MDGA2: variants seen among roughly 807,000 people sequenced by gnomAD.
MDGA2 encodes MAM domain containing glycosylphosphatidylinositol anchor 2.
Under a neutral mutation model 117.8 loss-of-function variants are expected in MDGA2, and 40 were observed. The observed-to-expected ratio is 0.34, with a 90% CI of 0.26 to 0.44. MDGA2 has a LOEUF of 0.44. Among genes scored for constraint, MDGA2 ranks in the 20% least tolerant of loss-of-function variants. The pLI, the probability that MDGA2 is intolerant of heterozygous loss-of-function variation, is 1.00. For missense variants in MDGA2, 1,123 were observed against 1,250.6 expected (o/e 0.90, Z 1.54); for synonymous variants, 452 against 439.0 (o/e 1.03, Z -0.37).
chr14:47,264,170 C>A (rs1411589911), intron 2 of MDGA2, among the ~76,000 whole-genome samples: 1 of 152,144 alleles, frequency 6.6e-6, no homozygotes, highest in Non-Finnish European at 1.5e-5. Context: ...ATTTGTACTT[C>A]TGAGACCCAT....
At chr14:47,076,763 T>C (rs1169353697) in intron 6 of MDGA2, among the ~76,000 whole-genome samples, 1 of 152,114 alleles carries the variant, frequency 6.6e-6, no homozygotes, top group African/African-American at 2.4e-5. Flanking sequence ...AAAGCTATTA[T>C]TCAGAAGATT....
intron 1 of MDGA2, among the ~76,000 whole-genome samples, chr14:47,466,638 C>T (rs1347082184): frequency 2.6e-5 from 4 of 152,062 alleles, no homozygotes; most frequent in South Asian, 2.1e-4. Flanking sequence ...GTAATGAATG[C>T]GTTCTCATTC....
chr14:46,950,217 T>G (rs1027849015), intron 9 of MDGA2, among the ~76,000 whole-genome samples: 16 of 151,942 alleles, frequency 1.1e-4, no homozygotes, highest in South Asian at 4.1e-4. Flanking sequence ...TATTCCTAAT[T>G]TTTCAGATTT....
intron 1 of MDGA2, among the ~76,000 whole-genome samples, chr14:47,370,633 G>A (rs1460803255): frequency 6.7e-6 from 1 of 149,906 alleles, no homozygotes; most frequent in African/African-American, 2.4e-5. Context: ...AAATAGTTTT[G>A]TTTATATTGT....
chr14:47,437,184 C>CAT (rs1205146237), intron 1 of MDGA2, among the ~76,000 whole-genome samples: 1 of 151,972 alleles, frequency 6.6e-6, no homozygotes, highest in Non-Finnish European at 1.5e-5. Flanking sequence ...GTTAAGTAAG[C>CAT]ATATAACTGT....
chr14:47,348,096 G>A (rs986405785), intron 1 of MDGA2, among the ~76,000 whole-genome samples: 3 of 151,630 alleles, frequency 2.0e-5, no homozygotes, highest in African/African-American at 7.3e-5. Flanking sequence ...TGCAGTAGCT[G>A]GAGGAATACT....
intron 1 of MDGA2, among the ~76,000 whole-genome samples, chr14:47,506,050 A>C (rs1158317591): frequency 6.6e-6 from 1 of 152,150 alleles, no homozygotes; most frequent in East Asian, 1.9e-4. Context: ...TAAAATACAG[A>C]GTTACTAGTG....
intron 9 of MDGA2, among the ~76,000 whole-genome samples, chr14:46,949,442 C>T (rs531418732): frequency 2.0e-5 from 3 of 151,792 alleles, no homozygotes; most frequent in East Asian, 3.9e-4. Context: ...TCTAGTGTAC[C>T]CATCATCCAA....
intron 3 of MDGA2, among the ~76,000 whole-genome samples, chr14:47,161,038 A>G (rs1883611751): frequency 6.6e-6 from 1 of 151,698 alleles, no homozygotes; most frequent in Admixed American, 6.6e-5. Flanking sequence ...TTTCTTCCCT[A>G]TTTTATTAGA....
Position 47,240,240 on chromosome 14 carries a change from T to C in MDGA2, c.421-22045A>G, listed in dbSNP as rs187597984. On this transcript the variant is annotated intron_variant, in intron 2 of 16. Coordinates refer to ENST00000399232, the MANE Select transcript of MDGA2 (RefSeq NM_001113498.3). ...TTGTATTTTTAGTAGAGATGGGGGTTTCACCATGTTGGTCAGGCTGGTCTT... is the reference window on the plus strand; with the variant it reads ...TTGTATTTTTAGTAGAGATGGGGGTCTCACCATGTTGGTCAGGCTGGTCTT... Among the ~76,000 whole-genome samples, 931 of 151,794 alleles carry C rather than the reference T, an allele frequency of 6.1e-3. 47 individuals are homozygous for C. Among genetic ancestry groups the C allele is most frequent in the Admixed American group, 0.054 (822 of 15,222 alleles).
intron 1 of MDGA2, among the ~76,000 whole-genome samples, chr14:47,478,405 C>A (rs1055897815): frequency 2.6e-5 from 4 of 152,080 alleles, no homozygotes; most frequent in Non-Finnish European, 4.4e-5. Context: ...GAGACAGGAT[C>A]TCTCTCTGTC....
chr14:46,906,465 G>C (rs1302982441), intron 10 of MDGA2, among the ~76,000 whole-genome samples: 1 of 152,000 alleles, frequency 6.6e-6, no homozygotes, highest in Non-Finnish European at 1.5e-5. Context: ...GAAACACTGA[G>C]CCTTGTCATT....
intron 1 of MDGA2, among the ~76,000 whole-genome samples, chr14:47,528,674 G>A (rs932299315): frequency 6.6e-5 from 10 of 152,028 alleles, no homozygotes; most frequent in African/African-American, 2.2e-4. Flanking sequence ...TCTATATAAC[G>A]GAAAGTATTG....
chr14:46,893,462 T>C (rs986232806), intron 10 of MDGA2, among the ~76,000 whole-genome samples: 2 of 151,902 alleles, frequency 1.3e-5, no homozygotes, highest in Non-Finnish European at 2.9e-5. Context: ...GTTAATAGTA[T>C]TACATAATAT....
rs540395115 is a variant in MDGA2 at position 47,261,288 on chromosome 14, T to A, written c.420+40123A>T. On this transcript the variant is annotated intron_variant, in intron 2 of 16. Transcript: ENST00000399232. ...GCCAAATTGGAACAGAAATTGGCATTTAGCTAGAATCTTTTACAACTGCAT... is the reference window on the plus strand; with the variant it reads ...GCCAAATTGGAACAGAAATTGGCATATAGCTAGAATCTTTTACAACTGCAT... Among the ~76,000 whole-genome samples, 4 of 152,256 alleles carry A rather than the reference T, an allele frequency of 2.6e-5. No individual in the cohort carries two copies. The South Asian group carries it at 8.3e-4, about 32-fold the overall frequency.
chr14:47,191,153 T>A (rs2139405534), intron 3 of MDGA2, among the ~76,000 whole-genome samples: 1 of 152,106 alleles, frequency 6.6e-6, no homozygotes, highest in Non-Finnish European at 1.5e-5. Flanking sequence ...TGTGTGTGTG[T>A]GAGTACACAA....
At chr14:47,255,727 TAGTACCTCATATTTTCAC>T (rs1566705545) in intron 2 of MDGA2, among the ~76,000 whole-genome samples, 1 of 152,038 alleles carries the variant, frequency 6.6e-6, no homozygotes, top group Non-Finnish European at 1.5e-5. Flanking sequence ...CTGCTTGTCA[TAGTACCTCATATTTTCAC>T]ATTCCTTGGT....
chr14:46,881,705 C>G (rs1882466995), intron 11 of MDGA2, among the ~76,000 whole-genome samples: 1 of 151,846 alleles, frequency 6.6e-6, no homozygotes, highest in Non-Finnish European at 1.5e-5. Context: ...TCTTTTTTTA[C>G]TTCTTAAAAA....
intron 8 of MDGA2, among the ~76,000 whole-genome samples, chr14:46,959,509 AT>A (rs199988685): frequency 9.9e-5 from 15 of 151,184 alleles, no homozygotes; most frequent in Non-Finnish European, 1.8e-4. Flanking sequence ...ATTTTTTAGG[AT>A]TTTTTTTAAG....
Sources: allele counts gnomAD v4.1 joint callset (sites outside exome capture counted in the v4.1 genomes callset), GRCh38; gene constraint gnomAD v4.1.1; transcripts MANE v1.5; gene names NCBI Gene and HGNC (gene_info 2026-07-23, HGNC 2026-07-21).